The following PCMTD1 variants were observed in gnomAD, a reference collection of about 807,000 sequenced individuals.
PCMTD1 encodes the protein protein-L-isoaspartate (D-aspartate) O-methyltransferase domain containing 1, also known as protein-L-isoaspartate O-methyltransferase domain-containing protein 1.
A neutral mutation model predicts 37.6 loss-of-function variants in PCMTD1; 12 were observed. That is an observed-to-expected ratio of 0.32 (90% CI 0.20 to 0.52). The LOEUF is 0.52. Ranked by LOEUF, PCMTD1 falls within the 20% of genes least tolerant of loss-of-function variation. PCMTD1 has a pLI of 0.97. For missense variants in PCMTD1, 235 were observed against 421.3 expected, an observed-to-expected ratio of 0.56 and a Z score of 3.87; for synonymous variants, 117 against 135.8, an observed-to-expected ratio of 0.86 and a Z score of 0.96.
intron 2 of PCMTD1, among the ~76,000 whole-genome samples, chr8:51,846,821 A>G (rs2038228142): frequency 1.3e-5 from 2 of 152,356 alleles, no homozygotes; most frequent in South Asian, 4.1e-4. Flanking sequence ...GAAATATCCA[A>G]ACTATAAAAA....
At chr8:51,894,157 T>C (rs1311904158) in intron 1 of PCMTD1, among the ~76,000 whole-genome samples, 1 of 150,932 alleles carries the variant, frequency 6.6e-6, no homozygotes, top group African/African-American at 2.5e-5. Flanking sequence ...GGAAGACTTC[T>C]AAAGGCAGAG....
chr8:51,839,473 C>A (rs550125883), intron 3 of PCMTD1: 18 of 985,352 alleles, frequency 1.8e-5, no homozygotes, highest in Middle Eastern at 5.2e-4. Flanking sequence ...TTTATAGGTG[C>A]ATGTTGGAAT....
At chr8:51,833,754 A>T (rs757481591) in intron 3 of PCMTD1, 65 bp from the exon 4 acceptor site, 4 of 1,339,700 alleles carry the variant, frequency 3.0e-6, no homozygotes, top group Non-Finnish European at 4.1e-6. Context: ...AATTTACCAT[A>T]ATCCAGTCCT....
intron 5 of PCMTD1, among the ~76,000 whole-genome samples, chr8:51,830,722 T>G (rs1331582968): frequency 2.0e-5 from 3 of 152,374 alleles, no homozygotes; most frequent in Admixed American, 2.0e-4. Flanking sequence ...AAGCCTTTTG[T>G]ATTTATTGTC....
At chr8:51,892,613 T>G (rs1031452256) in intron 1 of PCMTD1, among the ~76,000 whole-genome samples, 2 of 152,248 alleles carry the variant, frequency 1.3e-5, no homozygotes, top group Non-Finnish European at 2.9e-5. Context: ...AGTTAGAAAC[T>G]AAATGCTCAT....
intron 2 of PCMTD1, among the ~76,000 whole-genome samples, chr8:51,858,616 G>C (rs1408481886): frequency 6.6e-6 from 1 of 152,176 alleles, no homozygotes; most frequent in Non-Finnish European, 1.5e-5. Flanking sequence ...CAGAAGCCTG[G>C]TGAATTTAAG....
intron 5 of PCMTD1, among the ~76,000 whole-genome samples, chr8:51,821,587 T>G (rs1447539629): frequency 6.6e-6 from 1 of 152,230 alleles, no homozygotes; most frequent in Admixed American, 6.5e-5. Context: ...ACTGGATGAT[T>G]TAGACTACCA....
intron 1 of PCMTD1, among the ~76,000 whole-genome samples, chr8:51,869,498 T>C (rs2038608713): frequency 6.6e-6 from 1 of 152,160 alleles, no homozygotes; most frequent in Admixed American, 6.6e-5. Context: ...TGGTCAAATC[T>C]ATAATTCAAT....
chr8:51,820,174 A>G lies in PCMTD1; in HGVS notation c.*177T>C. On this transcript the variant is annotated 3_prime_UTR_variant, in exon 6 of 6. Coordinates refer to ENST00000522514, the MANE Select transcript of PCMTD1 (RefSeq NM_052937.4). ...GATTTAAAGAAAAATAGATTTTATA[A>G]AAGGGATTCTTTTATTCACTGAATA... 2.0e-6 allele frequency: 1 copy of G among 499,408 alleles called. No individual in the cohort carries two copies. The highest frequency in any genetic ancestry group is 3.2e-6 in the Non-Finnish European group (1 of 308,610). 30.9% of individuals were successfully genotyped at this position (499,408 alleles called of 1,614,324 possible). A position where few individuals can be genotyped will look rare whatever the true frequency, so the allele number is the denominator to read the frequency against.
At chr8:51,898,887 C>A (rs2039052690) in intron 1 of PCMTD1, 43 bp downstream of exon 1, 1 of 1,275,858 alleles carries the variant, frequency 7.8e-7, no homozygotes, top group South Asian at 2.6e-5. Flanking sequence ...ACGCGGGACT[C>A]GCACACCCCA....
intron 1 of PCMTD1, among the ~76,000 whole-genome samples, chr8:51,871,523 CCTGG>C (rs2038638602): frequency 1.3e-5 from 2 of 152,122 alleles, no homozygotes; most frequent in Admixed American, 1.3e-4. Flanking sequence ...TAACTTTTGC[CCTGG>C]CTAATACTTT....
At chr8:51,829,657 C>G (rs530325504) in intron 5 of PCMTD1, among the ~76,000 whole-genome samples, 10 of 152,098 alleles carry the variant, frequency 6.6e-5, no homozygotes, top group Admixed American at 2.0e-4. Flanking sequence ...GTAATCCCAG[C>G]TACTCAGGAG....
At chr8:51,875,334 C>T (rs1423622993) in intron 1 of PCMTD1, among the ~76,000 whole-genome samples, 2 of 152,074 alleles carry the variant, frequency 1.3e-5, no homozygotes, top group Non-Finnish European at 2.9e-5. Flanking sequence ...TTTTCAACCT[C>T]CAAACACATA....
rs1426063287 is a variant in PCMTD1 at position 51,820,198 on chromosome 8, T to C, written c.*153A>G. ...AAAAGGGATTCTTTTATTCACTGAA[T>C]ACATCATTTGTGTTACTGACAGAAA... is the stretch of plus-strand genomic sequence containing the variant. On this transcript the variant is annotated 3_prime_UTR_variant, in exon 6 of 6. Coordinates refer to ENST00000522514, the MANE Select transcript of PCMTD1 (RefSeq NM_052937.4). The C allele has an allele frequency of 3.5e-6, 2 of 579,432 alleles. No homozygotes were observed. The highest frequency in any genetic ancestry group is 7.8e-5 in the Admixed American group (2 of 25,552). The allele number at this position is 579,432 out of a possible 1,614,324, so 35.9% of individuals were successfully genotyped here.
intron 1 of PCMTD1, among the ~76,000 whole-genome samples, chr8:51,875,660 T>C (rs1279040135): frequency 6.6e-6 from 1 of 152,198 alleles, no homozygotes; most frequent in East Asian, 1.9e-4. Flanking sequence ...TGTGGGTGTT[T>C]GGACCAGTGG....
At chr8:51,851,795 C>T in intron 2 of PCMTD1, among the ~76,000 whole-genome samples, 1 of 152,104 alleles carries the variant, frequency 6.6e-6, no homozygotes, top group Non-Finnish European at 1.5e-5. Context: ...AGCTTACAGG[C>T]ATGAGCCACC....
chr8:51,873,824 T>A (rs2038673237), intron 1 of PCMTD1, among the ~76,000 whole-genome samples: 1 of 152,136 alleles, frequency 6.6e-6, no homozygotes, highest in Non-Finnish European at 1.5e-5. Flanking sequence ...AGTACCCCAC[T>A]TCCTGTAAAG....
At chr8:51,848,139 C>T (rs2038250501) in intron 2 of PCMTD1, among the ~76,000 whole-genome samples, 1 of 151,868 alleles carries the variant, frequency 6.6e-6, no homozygotes, top group African/African-American at 2.4e-5. Context: ...AATCTGGTTA[C>T]ATGTTTATAA....
intron 2 of PCMTD1, among the ~76,000 whole-genome samples, chr8:51,851,343 A>T (rs529228339): frequency 6.6e-6 from 1 of 152,222 alleles, no homozygotes; most frequent in Non-Finnish European, 1.5e-5. Flanking sequence ...ATATGTTTAC[A>T]TAAGATCTCA....
Sources: allele counts gnomAD v4.1 joint callset (sites outside exome capture counted in the v4.1 genomes callset), GRCh38; gene constraint gnomAD v4.1.1; transcripts MANE v1.5; gene names NCBI Gene and HGNC (gene_info 2026-07-23, HGNC 2026-07-21).